AVIL: variants seen among roughly 807,000 people sequenced by gnomAD.
The protein encoded by AVIL is advillin.
Under a neutral mutation model 109.9 loss-of-function variants are expected in AVIL, and 78 were observed. The ratio of observed to expected loss-of-function variants is 0.71; its 90% confidence interval spans 0.59 to 0.86. The LOEUF is 0.86. Among genes scored for constraint, AVIL ranks in the 40% least tolerant of loss-of-function variants. The probability of loss-of-function intolerance (pLI) is 0.00; values close to 1 mark genes in which losing one functional copy is unlikely to be tolerated. For missense variants in AVIL, 892 were observed against 1,016.5 expected, an observed-to-expected ratio of 0.88 and a Z score of 1.67; for synonymous variants, 367 against 379.1, an observed-to-expected ratio of 0.97 and a Z score of 0.37.
intron 4 of AVIL, among the ~76,000 whole-genome samples, chr12:57,811,446 AGGG>A (rs1565837244): frequency 1.3e-5 from 2 of 152,224 alleles, no homozygotes; most frequent in African/African-American, 4.8e-5. Context: ...TGCACCACAG[AGGG>A]CTTGTTTTGT....
intron 6 of AVIL, 115 bp from the exon 7 acceptor site, chr12:57,810,666 C>A: frequency 7.2e-7 from 1 of 1,388,678 alleles, no homozygotes; most frequent in Non-Finnish European, 1.0e-6. Context: ...GCTGAGGAGT[C>A]CAGGGTGAGT....
intron 19 of AVIL, 22 bp downstream of exon 19, chr12:57,799,771 GAC>G: frequency 6.2e-7 from 1 of 1,613,182 alleles, no homozygotes; most frequent in Non-Finnish European, 8.5e-7. Context: ...ACTTCCAACA[GAC>G]ACAGTTCCTT....
Position 57,813,402 on chromosome 12 carries a change from G to C in AVIL, c.163C>G (p.Leu55Val). ...ILSTRRVASL[L>V]SQDIHFWIGK... ...ATCCAGAAGTGGATGTCCTGGGATAGGAGACTGGCCACTCTCCGGGTCTGG... is the reference window on the plus strand; with the variant it reads ...ATCCAGAAGTGGATGTCCTGGGATACGAGACTGGCCACTCTCCGGGTCTGG... Residue 55 changes from leucine to valine, a missense_variant, in exon 4 of 20, where the codon CTA becomes GTA. By Grantham distance (32) the Leu-to-Val change is conservative. Coordinates refer to ENST00000549994, the MANE Select transcript of AVIL (RefSeq NM_006576.4). 6.2e-7 allele frequency: 1 copy of C among 1,614,032 alleles called. No homozygotes were observed. Among genetic ancestry groups the C allele is most frequent in the South Asian group, 1.1e-5 (1 of 91,080 alleles).
Position 57,814,093 on chromosome 12 carries a change from A to T in AVIL, c.141+59T>A, listed in dbSNP as rs886740081. 455 of 1,572,398 alleles carry T rather than the reference A, an allele frequency of 2.9e-4. 3 individuals are homozygous for T. Among genetic ancestry groups the T allele is most frequent in the Middle Eastern group, 3.7e-4 (2 of 5,362 alleles). On this transcript the variant is annotated intron_variant, in intron 3 of 19. Coordinates refer to ENST00000549994, the MANE Select transcript of AVIL (RefSeq NM_006576.4). ...TTCCCTCACCAGCACATCTCCCAGT[A>T]CAGCCCAAGAACTGGCCCCAGGGGA... is the stretch of plus-strand genomic sequence containing the variant.
At chr12:57,818,160 A>G (rs1043701167) in intron 1 of AVIL, among the ~76,000 whole-genome samples, 2 of 132,246 alleles carry the variant, frequency 1.5e-5, no homozygotes, top group Admixed American at 8.3e-5. Flanking sequence ...CTGAGACCAC[A>G]GGTGTGCACC....
At chr12:57,807,961 G>T in intron 11 of AVIL, 1 of 802,998 alleles carries the variant, frequency 1.2e-6, no homozygotes, top group Non-Finnish European at 2.1e-6. Flanking sequence ...TTGCAAGGCT[G>T]AGCAATGATT....
chr12:57,802,905 A>T, intron 16 of AVIL: 1 of 533,962 alleles, frequency 1.9e-6, no homozygotes, highest in South Asian at 2.8e-5. Flanking sequence ...ACAATAGTCT[A>T]CTGACTGCCT....
intron 6 of AVIL, 29 bp from the exon 7 acceptor site, chr12:57,810,580 G>T: frequency 6.2e-7 from 1 of 1,609,858 alleles, no homozygotes. Flanking sequence ...GAAGCCCTCA[G>T]CTCCTCTGGG....
chr12:57,811,343 C>G (rs1956035763), intron 4 of AVIL, among the ~76,000 whole-genome samples: 1 of 152,108 alleles, frequency 6.6e-6, no homozygotes, highest in African/African-American at 2.4e-5. Context: ...GACATTTGAA[C>G]TGAGATACTA....
At chr12:57,813,610 G>T (rs570371257) in intron 3 of AVIL, among the ~76,000 whole-genome samples, 187 bp from the exon 4 acceptor site, 67 of 152,330 alleles carry the variant, frequency 4.4e-4, no homozygotes, top group Non-Finnish European at 7.9e-4. Flanking sequence ...AACTTTGGCA[G>T]CCCAAATTCC....
At chr12:57,813,871 A>G (rs1565838673) in intron 3 of AVIL, among the ~76,000 whole-genome samples, 1 of 151,932 alleles carries the variant, frequency 6.6e-6, no homozygotes. Context: ...CTTCCACACC[A>G]CTTTAATGTG....
Position 57,810,375 on chromosome 12 carries a change from C to T in AVIL, c.735G>A (p.Lys245=), listed in dbSNP as rs199606721. 34 of 1,614,190 alleles carry T rather than the reference C, an allele frequency of 2.1e-5. No individual in the cohort carries two copies. The highest frequency in any genetic ancestry group is 1.6e-4 in the Middle Eastern group (1 of 6,062). The part of the protein sequence containing the change: ...PTVPDEIIDQ[K]QKSTIMLYHI... ...GATACAACATGATAGTTGATTTCTG[C>T]TTCTGATCTATGATCTCATCAGGGA... The change falls in exon 7 of 20, where the codon AAG becomes AAA. Residue 245 remains lysine, a synonymous_variant. Coordinates refer to ENST00000549994, the MANE Select transcript of AVIL (RefSeq NM_006576.4).
rs1461051245 is a variant in AVIL at position 57,807,455 on chromosome 12, G to A, written c.1367C>T (p.Ser456Leu). 1.9e-6 allele frequency: 3 copies of A among 1,614,140 alleles called. No individual in the cohort carries two copies. The highest frequency in any genetic ancestry group is 2.5e-6 in the Non-Finnish European group (3 of 1,180,060). Residue 456 changes from serine (S) to leucine (L), a missense_variant, in exon 13 of 20, where the codon TCA becomes TTA. Physicochemically the swap from Ser to Leu is moderately radical, Grantham distance 145. Transcript: ENST00000549994. ...ATCCACCTCCACTGCCTGGTATGCT[G>A]AGGCTGCCAGCTCATCCTGTGAGGC... ...RHASQDELAASAYQAVEVDRQ... is the reference protein window; with the variant it reads ...RHASQDELAALAYQAVEVDRQ...
rs371691016 is a variant in AVIL, at chr12:57,810,795, G to C, written c.558+21C>G. On this transcript the variant is annotated intron_variant, in intron 6 of 19. Coordinates refer to ENST00000549994, the MANE Select transcript of AVIL (RefSeq NM_006576.4). The stretch of plus-strand genomic sequence containing the variant: ...AGAAGAAAGAGGAACTTGAGAAAGT[G>C]CTAAGGCTAGGAAGCCATACCTTCA... 9 of 1,606,272 alleles carry C rather than the reference G, an allele frequency of 5.6e-6. No individual in the cohort carries two copies. In the African/African-American group the frequency reaches 9.4e-5, roughly 17 times the overall value.
Position 57,814,147 on chromosome 12 carries a change from C to G in AVIL, c.141+5G>C. 1 of 1,612,558 alleles carries G rather than the reference C, an allele frequency of 6.2e-7. No homozygotes were observed. ...GCTCACAGGAGTGGGGAGGAGGGTGCTCACCGAGAGGATGACGTAGCAGTC... is the reference window on the plus strand; with the variant it reads ...GCTCACAGGAGTGGGGAGGAGGGTGGTCACCGAGAGGATGACGTAGCAGTC... On this transcript the variant is annotated splice_donor_5th_base_variant and intron_variant, in intron 3 of 19. Coordinates refer to ENST00000549994, the MANE Select transcript of AVIL (RefSeq NM_006576.4).
chr12:57,815,870 C>T, intron 2 of AVIL, 105 bp downstream of exon 2: 1 of 1,576,976 alleles, frequency 6.3e-7, no homozygotes, highest in African/African-American at 1.3e-5. Context: ...TCTCCTCAAA[C>T]CATAGGCTAA....
chr12:57,806,429 G>A lies in AVIL; in HGVS notation c.1602C>T (p.Ala534=). The A allele has an allele frequency of 6.2e-7, 1 of 1,614,132 alleles. No homozygotes were observed. The highest frequency in any genetic ancestry group is 8.5e-7 in the Non-Finnish European group (1 of 1,180,030). ...AGACATCATTGGAGTTTAGGGAGGA[G>A]GCAAAGGCTGGAACTTCCACTGCTT... is the stretch of plus-strand genomic sequence containing the variant. ...NTKAVEVPAF[A]SSLNSNDVFL... The change falls in exon 14 of 20, where the codon GCC becomes GCT. Residue 534 remains alanine (A), a synonymous_variant. Coordinates refer to ENST00000549994, the MANE Select transcript of AVIL (RefSeq NM_006576.4).
Position 57,801,137 on chromosome 12 carries a change from G to A in AVIL, c.2220+7C>T, listed in dbSNP as rs757329816. ...GCTGGCTTCTCCCAAGAGCGAACCC[G>A]ACTCACAGCAGTGATTCGCATGATA... On this transcript the variant is annotated splice_region_variant and intron_variant, in intron 18 of 19. Coordinates refer to ENST00000549994, the MANE Select transcript of AVIL (RefSeq NM_006576.4). The A allele has an allele frequency of 6.2e-6, 10 of 1,612,786 alleles. No individual in the cohort carries two copies. Among genetic ancestry groups the A allele is most frequent in the Non-Finnish European group, 8.5e-6 (10 of 1,179,540 alleles).
intron 18 of AVIL, 94 bp from the exon 19 acceptor site, chr12:57,800,014 T>TA: frequency 1.3e-6 from 2 of 1,484,182 alleles, no homozygotes; most frequent in East Asian, 2.3e-5. Flanking sequence ...CATTTTGACT[T>TA]ATGCCACTTC....
Sources: gnomAD v4.1 joint callset for allele counts (sites outside exome capture counted in the v4.1 genomes callset) on GRCh38, gnomAD v4.1.1 for gene constraint, MANE v1.5 for transcripts, NCBI Gene and HGNC (gene_info 2026-07-23, HGNC 2026-07-21) for gene names.